Variants in ADAM2 observed in about 807,000 individuals in gnomAD.
ADAM2 encodes ADAM metallopeptidase domain 2.
Under a neutral mutation model 99.3 loss-of-function variants are expected in ADAM2, and 101 were observed. The observed-to-expected ratio is 1.02, with a 90% CI of 0.87 to 1.20. The LOEUF (loss-of-function observed/expected upper bound fraction) is 1.20. Ranked by LOEUF, ADAM2 falls within the 50% of genes most tolerant of loss-of-function variation. ADAM2 has a pLI of 0.00. For synonymous variants in ADAM2, 323 were observed against 287.6 expected (o/e 1.12, Z -1.25); for missense variants, 948 against 878.7 (o/e 1.08, Z -1.00).
chr8:39,810,599 G>A (rs908718688), intron 6 of ADAM2, among the ~76,000 whole-genome samples: 6 of 152,202 alleles, frequency 3.9e-5, no homozygotes, highest in African/African-American at 1.4e-4. Context: ...AGACCACAGT[G>A]CAATCAAATT....
At chr8:39,756,418 G>C (rs1368464941) in intron 15 of ADAM2, among the ~76,000 whole-genome samples, 1 of 152,110 alleles carries the variant, frequency 6.6e-6, no homozygotes, top group Admixed American at 6.6e-5. Context: ...AGATTAATGT[G>C]AGCATTTGCC....
intron 1 of ADAM2, among the ~76,000 whole-genome samples, chr8:39,837,866 G>A (rs185296165): frequency 1.3e-5 from 2 of 152,226 alleles, no homozygotes; most frequent in East Asian, 3.9e-4. Context: ...TGCAAAGCAG[G>A]ATCTGAAACT....
At chr8:39,814,320 C>T (rs1001284061) in intron 6 of ADAM2, among the ~76,000 whole-genome samples, 7 of 151,598 alleles carry the variant, frequency 4.6e-5, no homozygotes, top group African/African-American at 1.7e-4. Context: ...GATCACACCA[C>T]TGCACTCCAG....
intron 10 of ADAM2, among the ~76,000 whole-genome samples, chr8:39,784,756 G>A (rs969696490): frequency 2.6e-5 from 4 of 152,100 alleles, no homozygotes; most frequent in Non-Finnish European, 4.4e-5. Flanking sequence ...TTGACCATAA[G>A]TATAAGTCAC....
chr8:39,746,829 G>A (rs1002788346), intron 18 of ADAM2, among the ~76,000 whole-genome samples, 198 bp from the exon 19 acceptor site: 1 of 152,116 alleles, frequency 6.6e-6, no homozygotes, highest in Non-Finnish European at 1.5e-5. Flanking sequence ...AAAATGGATA[G>A]CTATATATGG....
intron 7 of ADAM2, among the ~76,000 whole-genome samples, chr8:39,796,091 AC>A (rs1230387789): frequency 6.6e-6 from 1 of 151,650 alleles, no homozygotes; most frequent in Non-Finnish European, 1.5e-5. Context: ...TAAAAAAAAA[AC>A]AGGATACATG....
chr8:39,760,311 A>T (rs1489133631), intron 15 of ADAM2, among the ~76,000 whole-genome samples: 1 of 152,206 alleles, frequency 6.6e-6, no homozygotes, highest in Non-Finnish European at 1.5e-5. Flanking sequence ...CGTTATTAAT[A>T]TTCATATATT....
At position 39,749,341 on chromosome 8, in the gene ADAM2, G is replaced by A; in HGVS notation, c.1985C>T (p.Pro662Leu). ...PGGSIDSGNFPPVAIPARLPE... is the reference protein window; with the variant it reads ...PGGSIDSGNFLPVAIPARLPE... ...GAGTCTGGCTGGTATAGCTACAGGT[G>A]GAAAATTGCCACTGTCAATACTCCC... Residue 662 changes from proline (P) to leucine (L), a missense_variant, in exon 18 of 21, where the codon CCA becomes CTA. Transcript: ENST00000265708. 6.2e-7 allele frequency: 1 copy of A among 1,612,812 alleles called. No individual in the cohort carries two copies. The highest frequency in any genetic ancestry group is 8.5e-7 in the Non-Finnish European group (1 of 1,179,222).
chr8:39,779,068 T>C (rs56301141), intron 10 of ADAM2, among the ~76,000 whole-genome samples: 27,676 of 151,970 alleles, frequency 0.18, 2,844 homozygotes, highest in East Asian at 0.29. Flanking sequence ...CTAGTACATA[T>C]ATTTTTGATC....
chr8:39,777,431 C>T (rs866595932), intron 10 of ADAM2, among the ~76,000 whole-genome samples: 2 of 151,836 alleles, frequency 1.3e-5, no homozygotes, highest in South Asian at 2.1e-4. Context: ...TGTCTAACAA[C>T]AATTACAGTC....
In ADAM2 at chr8:39,837,537, C is replaced by G. The variant is rs188722502; in HGVS notation, c.56-325G>C. Among the ~76,000 whole-genome samples the G allele has an allele frequency of 2.3e-3, 346 of 152,256 alleles. 5 individuals carry two copies. Among genetic ancestry groups the G allele is most frequent in the South Asian group, 0.017 (82 of 4,828 alleles). On this transcript the variant is annotated intron_variant, in intron 1 of 20. Coordinates refer to ENST00000265708, the MANE Select transcript of ADAM2 (RefSeq NM_001464.5). ...CAGCAGCTGGGACTACAGGCACGCA[C>G]TACCACCCCCAGCTAATTTTCTATA...
In ADAM2 at chr8:39,782,705, G is replaced by T. The variant is rs7006848; in HGVS notation, c.891+4269C>A. Among the ~76,000 whole-genome samples, 885 of 152,128 alleles carry T rather than the reference G, an allele frequency of 5.8e-3. 9 individuals are homozygous for T. The highest frequency in any genetic ancestry group is 0.02 in the African/African-American group (842 of 41,514). ...ATGTGTAATGTCTATATGATCTGTG[G>T]TGATCATGTCCCTTTATTCAACTAA... On this transcript the variant is annotated intron_variant, in intron 10 of 20. Transcript: ENST00000265708.
intron 6 of ADAM2, among the ~76,000 whole-genome samples, chr8:39,819,870 T>G (rs1805106444): frequency 4.8e-3 from 1 of 210 alleles, no homozygotes; most frequent in South Asian, 0.25. Flanking sequence ...ATTGGTTTTC[T>G]ATTCTCTGGA....
chr8:39,777,239 A>T, intron 10 of ADAM2, 78 bp from the exon 11 acceptor site: 1 of 1,220,924 alleles, frequency 8.2e-7, no homozygotes, highest in Non-Finnish European at 1.2e-6. Flanking sequence ...ATTAAAGATC[A>T]CATGATAAAA....
Position 39,749,736 on chromosome 8 carries a change from C to A in ADAM2, c.1806G>T (p.Arg602Ser). The A allele has an allele frequency of 1.9e-6, 3 of 1,611,022 alleles. No individual in the cohort carries two copies. The highest frequency in any genetic ancestry group is 2.2e-5 in the East Asian group (1 of 44,804). ...GTSCGSNKVCRNQRCVSSSYL... is the reference protein window; with the variant it reads ...GTSCGSNKVCSNQRCVSSSYL... ...ATGAAGAACTCACACATCTTTGATTCCTGCAAACCTAAAAAGGATGAGCAA... is the reference window on the plus strand; with the variant it reads ...ATGAAGAACTCACACATCTTTGATTACTGCAAACCTAAAAAGGATGAGCAA... Residue 602 changes from arginine (R) to serine (S), a missense_variant, in exon 17 of 21, where the codon AGG (arginine) becomes AGT (serine). Arg to Ser is a moderately radical substitution (Grantham distance 110). Coordinates refer to ENST00000265708, the MANE Select transcript of ADAM2 (RefSeq NM_001464.5).
intron 7 of ADAM2, among the ~76,000 whole-genome samples, chr8:39,791,549 C>T (rs1166161313): frequency 6.6e-6 from 1 of 152,024 alleles, no homozygotes; most frequent in Non-Finnish European, 1.5e-5. Flanking sequence ...ACTGCTGGCT[C>T]CTTTAGACTT....
chr8:39,801,470 C>T (rs543363187), intron 7 of ADAM2, among the ~76,000 whole-genome samples: 1 of 152,160 alleles, frequency 6.6e-6, no homozygotes, highest in Admixed American at 6.5e-5. Flanking sequence ...GTCTGACAAC[C>T]CCTCTTGGAA....
intron 3 of ADAM2, among the ~76,000 whole-genome samples, chr8:39,828,491 G>A (rs967352194): frequency 6.6e-6 from 1 of 151,684 alleles, no homozygotes; most frequent in South Asian, 2.1e-4. Flanking sequence ...GATTCAATCG[G>A]ATAGAGGCAA....
intron 7 of ADAM2, among the ~76,000 whole-genome samples, chr8:39,794,766 G>A (rs1803868974): frequency 6.6e-6 from 1 of 151,916 alleles, no homozygotes; most frequent in Non-Finnish European, 1.5e-5. Flanking sequence ...CCCTTAAAAG[G>A]GACAGGAATT....
Sources: gnomAD v4.1 joint callset for allele counts (sites outside exome capture counted in the v4.1 genomes callset) on GRCh38, gnomAD v4.1.1 for gene constraint, MANE v1.5 for transcripts, NCBI Gene and HGNC (gene_info 2026-07-23, HGNC 2026-07-21) for gene names.